The following ZCWPW2 variants were observed in gnomAD, a reference collection of about 807,000 sequenced individuals.
The protein encoded by ZCWPW2 is zinc finger CW-type and PWWP domain containing 2.
ZCWPW2 carries 45 observed loss-of-function variants against 46.6 expected under a neutral mutation model. The ratio of observed to expected loss-of-function variants is 0.96; its 90% confidence interval spans 0.76 to 1.24. ZCWPW2 has a LOEUF of 1.24. Ranked by LOEUF, ZCWPW2 falls within the 50% of genes most tolerant of loss-of-function variation. ZCWPW2 has a pLI of 0.00. For missense variants in ZCWPW2, 429 were observed against 403.9 expected (o/e 1.06, Z -0.53); for synonymous variants, 152 against 137.1 (o/e 1.11, Z -0.76).
chr3:28,478,409 C>A (rs1699308742), intron 4 of ZCWPW2: 1 of 183,638 alleles, frequency 5.4e-6, no homozygotes, highest in Middle Eastern at 5.4e-4. Flanking sequence ...TGCACCCTGC[C>A]AAATTAATTT....
intron 3 of ZCWPW2, among the ~76,000 whole-genome samples, chr3:28,433,917 G>GC (rs540530660): frequency 1.6e-4 from 22 of 140,736 alleles, no homozygotes; most frequent in Non-Finnish European, 3.2e-4. Flanking sequence ...TTCCACCCCA[G>GC]TTTTTTTTTT....
chr3:28,367,484 G>C (rs984026116), intron 1 of ZCWPW2, among the ~76,000 whole-genome samples: 2 of 152,166 alleles, frequency 1.3e-5, no homozygotes, highest in African/African-American at 4.8e-5. Context: ...CTGAGTTCTA[G>C]TTTGATTGCA....
intron 3 of ZCWPW2, among the ~76,000 whole-genome samples, chr3:28,431,689 C>A (rs1309395847): frequency 6.6e-6 from 1 of 151,994 alleles, no homozygotes; most frequent in Non-Finnish European, 1.5e-5. Context: ...TTTTAATTTG[C>A]CAAAAACCAA....
At chr3:28,503,624 C>A (rs1700205593) in intron 6 of ZCWPW2, among the ~76,000 whole-genome samples, 1 of 151,760 alleles carries the variant, frequency 6.6e-6, no homozygotes, top group Non-Finnish European at 1.5e-5. Context: ...TTTTTCTATG[C>A]CTAATAGTTA....
chr3:28,362,276 A>C (rs957036255), intron 1 of ZCWPW2, among the ~76,000 whole-genome samples: 26 of 151,888 alleles, frequency 1.7e-4, no homozygotes, highest in Non-Finnish European at 3.2e-4. Context: ...CTGTACACTT[A>C]AAATTTTTAA....
At chr3:28,394,529 A>G (rs1695620796) in intron 2 of ZCWPW2, among the ~76,000 whole-genome samples, 2 of 152,122 alleles carry the variant, frequency 1.3e-5, no homozygotes, top group African/African-American at 4.8e-5. Context: ...TTACAAAGCT[A>G]TAGTAAGCAA....
chr3:28,448,082 T>A, intron 4 of ZCWPW2: 1 of 244,266 alleles, frequency 4.1e-6, no homozygotes, highest in Non-Finnish European at 8.2e-6. Flanking sequence ...AAATAAAAAA[T>A]GAAGCTTTTT....
At chr3:28,377,940 C>CAA (rs1705555525) in intron 1 of ZCWPW2, among the ~76,000 whole-genome samples, 1 of 152,026 alleles carries the variant, frequency 6.6e-6, no homozygotes, top group South Asian at 2.1e-4. Context: ...ATAGTTGCCG[C>CAA]AAAAGACACC....
chr3:28,464,491 C>A (rs565757441), intron 4 of ZCWPW2, among the ~76,000 whole-genome samples: 1 of 152,164 alleles, frequency 6.6e-6, no homozygotes, highest in African/African-American at 2.4e-5. Context: ...GAGAGAAGAC[C>A]CTCTAACAAC....
intron 5 of ZCWPW2, among the ~76,000 whole-genome samples, chr3:28,489,893 C>G (rs142309142): frequency 1.3e-5 from 2 of 152,136 alleles, no homozygotes; most frequent in African/African-American, 4.8e-5. Context: ...AAACTATCAA[C>G]AGAGTAAATA....
At chr3:28,370,252 G>A (rs772939842) in intron 1 of ZCWPW2, among the ~76,000 whole-genome samples, 3 of 152,124 alleles carry the variant, frequency 2.0e-5, no homozygotes, top group African/African-American at 4.8e-5. Context: ...CATCGCTCAC[G>A]CTGGGAACTG....
chr3:28,371,831 G>A (rs865958150), intron 1 of ZCWPW2, among the ~76,000 whole-genome samples: 2 of 152,072 alleles, frequency 1.3e-5, no homozygotes, highest in South Asian at 2.1e-4. Flanking sequence ...TCCAGGCCTA[G>A]GGGAAAAGAG....
In ZCWPW2 at chr3:28,503,744, A is replaced by C. The variant is rs548235847; in HGVS notation, c.658-10320A>C. 7.2e-5 allele frequency among the ~76,000 whole-genome samples: 11 copies of C among 152,082 alleles called. 1 individual carries two copies. Among genetic ancestry groups the C allele is most frequent in the Admixed American group, 2.0e-4 (3 of 15,224 alleles). On this transcript the variant is annotated intron_variant, in intron 6 of 9. Coordinates refer to ENST00000383768, the MANE Select transcript of ZCWPW2 (RefSeq NM_001040432.4). Reference sequence around the variant, plus strand: ...TCAAGCCTACGGTTTCAAATTTATAAGCATTTGGCTTTTGTCCACAAGTCT... The same window carrying C: ...TCAAGCCTACGGTTTCAAATTTATACGCATTTGGCTTTTGTCCACAAGTCT...
At chr3:28,393,991 T>C (rs1575084026) in intron 2 of ZCWPW2, among the ~76,000 whole-genome samples, 1 of 152,152 alleles carries the variant, frequency 6.6e-6, no homozygotes, top group Non-Finnish European at 1.5e-5. Flanking sequence ...GATGTAAAAT[T>C]ATCTCTGTTT....
intron 2 of ZCWPW2, among the ~76,000 whole-genome samples, chr3:28,410,828 A>T (rs532895798): frequency 6.6e-6 from 1 of 151,958 alleles, no homozygotes; most frequent in South Asian, 2.1e-4. Context: ...AATTCAAAAA[A>T]CTGAAGGGAC....
intron 4 of ZCWPW2, among the ~76,000 whole-genome samples, chr3:28,447,342 AG>A (rs1698032535): frequency 6.6e-6 from 1 of 152,196 alleles, no homozygotes; most frequent in South Asian, 2.1e-4. Context: ...ATGTAAGAAT[AG>A]TTCAATATAT....
At chr3:28,496,079 C>G (rs1255783714) in intron 6 of ZCWPW2, among the ~76,000 whole-genome samples, 1 of 151,950 alleles carries the variant, frequency 6.6e-6, no homozygotes, top group Non-Finnish European at 1.5e-5. Context: ...GAGAGGCAAA[C>G]TGTCATAGAA....
intron 1 of ZCWPW2, among the ~76,000 whole-genome samples, chr3:28,386,988 C>T (rs1159461469): frequency 1.3e-5 from 2 of 152,154 alleles, no homozygotes; most frequent in Non-Finnish European, 2.9e-5. Flanking sequence ...GTAAAAACTT[C>T]CTGTTCCTCC....
intron 4 of ZCWPW2, among the ~76,000 whole-genome samples, chr3:28,442,532 T>G (rs1004081208): frequency 6.6e-6 from 1 of 152,032 alleles, no homozygotes; most frequent in Non-Finnish European, 1.5e-5. Context: ...AGCTGGAGAG[T>G]TGATATACCC....
Sources: allele counts gnomAD v4.1 joint callset (sites outside exome capture counted in the v4.1 genomes callset), GRCh38; gene constraint gnomAD v4.1.1; transcripts MANE v1.5; gene names NCBI Gene and HGNC (gene_info 2026-07-23, HGNC 2026-07-21).